Variants in LEO1 observed in about 807,000 individuals in gnomAD.
The protein encoded by LEO1 is RNA polymerase-associated protein LEO1.
Under a neutral mutation model 80.4 loss-of-function variants are expected in LEO1, and 34 were observed. The observed-to-expected ratio is 0.42, with a 90% CI of 0.32 to 0.56. The LOEUF (loss-of-function observed/expected upper bound fraction) is 0.56, where lower values mean the gene tolerates loss of function less well. LEO1 is among the 20% of genes least tolerant of loss of function. LEO1 has a pLI of 0.10. For synonymous variants in LEO1, 262 were observed against 274.9 expected (o/e 0.95, Z 0.46); for missense variants, 631 against 814.2 (o/e 0.77, Z 2.74).
Position 51,965,868 on chromosome 15 carries a change from T to G in LEO1, c.695A>C (p.Glu232Ala). 4 of 1,614,166 alleles carry G rather than the reference T, an allele frequency of 2.5e-6. No homozygotes were observed. The South Asian group carries it at 4.4e-5, about 18-fold the overall frequency. ...TTCATCAGACAGCTGTGGTTGTTCT[T>G]CATCATCAGAATTCTGTTTCTCATC... ...NDDEKQNSDDEEQPQLSDEEK... is the reference protein window; with the variant it reads ...NDDEKQNSDDAEQPQLSDEEK... The change falls in exon 2 of 12, where the codon GAA becomes GCA. Residue 232 changes from glutamate (E) to alanine (A), a missense_variant. By Grantham distance (107) the Glu-to-Ala change is moderately radical (BLOSUM62 -1). This residue lies in a region of LEO1 where 394 missense variants were observed against 395.6 expected (regional missense o/e 1.00). Coordinates refer to ENST00000299601, the MANE Select transcript of LEO1 (RefSeq NM_138792.4).
chr15:51,955,701 G>A (rs11631627), intron 6 of LEO1, among the ~76,000 whole-genome samples: 4,462 of 152,276 alleles, frequency 0.029, 81 homozygotes, highest in Middle Eastern at 0.065. Context: ...TTCCCCCAGT[G>A]TCAATCCTAA....
chr15:51,966,914 G>A (rs2554316), intron 1 of LEO1, among the ~76,000 whole-genome samples: 67,234 of 150,164 alleles, frequency 0.45, 15,111 homozygotes, highest in Admixed American at 0.53. Context: ...TTGTCTCAAA[G>A]AAAAAAAAGA....
At chr15:51,970,342 A>G (rs2057113114) in intron 1 of LEO1, among the ~76,000 whole-genome samples, 1 of 152,176 alleles carries the variant, frequency 6.6e-6, no homozygotes, top group Admixed American at 6.6e-5. Context: ...TATTTTTAGT[A>G]GAGACAGGGT....
At chr15:51,948,889 G>C (rs1023816205) in intron 10 of LEO1, among the ~76,000 whole-genome samples, 1 of 152,220 alleles carries the variant, frequency 6.6e-6, no homozygotes, top group Admixed American at 6.5e-5. Flanking sequence ...GCAGAGTCAC[G>C]GCTGGGACAG....
At position 51,949,649 on chromosome 15, in the gene LEO1, G is replaced by A. The variant is rs775621446; in HGVS notation, c.1798+159C>T. On this transcript the variant is annotated intron_variant, in intron 10 of 11. Transcript: ENST00000299601. ...CAGGAGGCAGAGGTTGCAGTGAGCCGAGATCACACCACTGCACTCCAGCCT... is the reference window on the plus strand; with the variant it reads ...CAGGAGGCAGAGGTTGCAGTGAGCCAAGATCACACCACTGCACTCCAGCCT... Among the ~76,000 whole-genome samples, 58 of 147,072 alleles carry A rather than the reference G, an allele frequency of 3.9e-4. No individual in the cohort carries two copies. In the East Asian group the frequency reaches 4.8e-3, roughly 12 times the overall value.
intron 11 of LEO1, among the ~76,000 whole-genome samples, chr15:51,938,718 A>C (rs1221873158): frequency 6.6e-6 from 1 of 152,228 alleles, no homozygotes; most frequent in Non-Finnish European, 1.5e-5. Flanking sequence ...AAAATATTTG[A>C]TGACATTAAA....
rs75139700 is a variant in LEO1 at position 51,967,160 on chromosome 15, G to A, written c.59-656C>T. 4.7e-3 allele frequency among the ~76,000 whole-genome samples: 722 copies of A among 152,152 alleles called. 7 individuals are homozygous for A. The highest frequency in any genetic ancestry group is 0.016 in the African/African-American group (683 of 41,528). On this transcript the variant is annotated intron_variant, in intron 1 of 11. Coordinates refer to ENST00000299601, the MANE Select transcript of LEO1 (RefSeq NM_138792.4). The stretch of plus-strand genomic sequence containing the variant: ...AATGGAGTCTCAGAAGAAGAGAAAT[G>A]AGCAGAAAAAGATTCTTAAATAATA...
intron 6 of LEO1, among the ~76,000 whole-genome samples, chr15:51,955,746 G>C (rs1051515738): frequency 6.6e-6 from 1 of 152,146 alleles, no homozygotes; most frequent in African/African-American, 2.4e-5. Context: ...AGATCGTCTG[G>C]ATCTCCACTC....
intron 1 of LEO1, among the ~76,000 whole-genome samples, chr15:51,967,630 C>A (rs1211488163): frequency 6.6e-6 from 1 of 152,110 alleles, no homozygotes; most frequent in East Asian, 1.9e-4. Context: ...GAAACAATTC[C>A]AAAAGCGGGC....
chr15:51,962,047 C>CCAG (rs1434792229), intron 3 of LEO1, among the ~76,000 whole-genome samples: 1 of 151,828 alleles, frequency 6.6e-6, no homozygotes, highest in Non-Finnish European at 1.5e-5. Flanking sequence ...TCCTGTAATT[C>CCAG]CAGCTACCAG....
chr15:51,963,428 G>A (rs1197755317), intron 2 of LEO1, among the ~76,000 whole-genome samples: 1 of 152,084 alleles, frequency 6.6e-6, no homozygotes, highest in Admixed American at 6.6e-5. Context: ...ATTTCTAGAA[G>A]GGCCAATTAT....
rs771440570 is a variant in LEO1 at position 51,949,938 on chromosome 15, C to T, written c.1668G>A (p.Met556Ile). 6.2e-7 allele frequency: 1 copy of T among 1,613,920 alleles called. No homozygotes were observed. The highest frequency in any genetic ancestry group is 2.2e-5 in the East Asian group (1 of 44,898). ...SIRRESQQRR[M>I]REKQHQRGLS... ...GCCCCCGCTGGTGCTGTTTCTCTCT[C>T]ATTCGGCGCTGCTGAGATTCCCTAC... is the stretch of plus-strand genomic sequence containing the variant. Residue 556 changes from methionine to isoleucine, a missense_variant, in exon 10 of 12, where the codon ATG (methionine) becomes ATA (isoleucine). Physicochemically the swap from Met to Ile is conservative, Grantham distance 10. Around this residue, in one of 4 missense-constraint regions of LEO1, gnomAD observed 117 missense variants for 163.5 expected, o/e 0.72. Transcript: ENST00000299601.
At position 51,949,902 on chromosome 15, in the gene LEO1, A is replaced by G. The variant is rs2056934159; in HGVS notation, c.1704T>C (p.Ser568=). 1 of 1,614,024 alleles carries G rather than the reference A, an allele frequency of 6.2e-7. No homozygotes were observed. Among genetic ancestry groups the G allele is most frequent in the South Asian group, 1.1e-5 (1 of 91,074 alleles). Residue 568 remains serine (S), a synonymous_variant, in exon 10 of 12, where the codon AGT becomes AGC. Transcript: ENST00000299601. ...CATCGTATCGATCAGGTTCCAGGTA[A>G]CTGGCGCTCAGCCCCCGCTGGTGCT... ...EKQHQRGLSA[S]YLEPDRYDEE...
chr15:51,943,193 C>T (rs2056870365), intron 11 of LEO1, among the ~76,000 whole-genome samples: 1 of 151,860 alleles, frequency 6.6e-6, no homozygotes, highest in South Asian at 2.1e-4. Flanking sequence ...GCCTGGCCAA[C>T]ATAGTGAAAC....
chr15:51,953,513 G>A (rs11638677), intron 7 of LEO1, among the ~76,000 whole-genome samples: 55,654 of 151,850 alleles, frequency 0.37, 10,561 homozygotes, highest in Admixed American at 0.43. Flanking sequence ...CCCAGCCTTC[G>A]GGAGGCTGAG....
At chr15:51,938,592 T>G (rs1213113880) in intron 11 of LEO1, among the ~76,000 whole-genome samples, 3 of 152,214 alleles carry the variant, frequency 2.0e-5, no homozygotes, top group Non-Finnish European at 4.4e-5. Context: ...TTTCTCTGCC[T>G]CCTCAGCATT....
chr15:51,953,311 T>C, intron 7 of LEO1, 48 bp from the exon 8 acceptor site: 5 of 1,595,490 alleles, frequency 3.1e-6, no homozygotes, highest in East Asian at 2.2e-5. Context: ...GCTTTCACTC[T>C]ACCATCTTAC....
intron 1 of LEO1, among the ~76,000 whole-genome samples, chr15:51,968,214 G>A (rs552134956): frequency 1.1e-4 from 17 of 151,168 alleles, no homozygotes; most frequent in African/African-American, 3.9e-4. Flanking sequence ...ATATTGCTAA[G>A]TTAAGTTCAA....
chr15:51,962,914 A>T (rs2057042695), intron 2 of LEO1, among the ~76,000 whole-genome samples: 1 of 136,720 alleles, frequency 7.3e-6, no homozygotes, highest in Non-Finnish European at 1.6e-5. Context: ...AGAGCTGTAC[A>T]TGCAGAACAT....
Sources: gnomAD v4.1 joint callset for allele counts (sites outside exome capture counted in the v4.1 genomes callset) on GRCh38, gnomAD v4.1.1 for gene constraint, gnomAD v4.1.1 regional missense constraint, MANE v1.5 for transcripts, NCBI Gene and HGNC (gene_info 2026-07-23, HGNC 2026-07-21) for gene names.